Variants in CAPN14 observed in about 807,000 individuals in gnomAD.
CAPN14 encodes calpain 14.
Under a neutral mutation model 101.3 loss-of-function variants are expected in CAPN14, and 94 were observed. The observed-to-expected ratio is 0.93, with a 90% confidence interval of 0.79 to 1.10. The LOEUF (loss-of-function observed/expected upper bound fraction) is 1.10. Ranked by LOEUF, CAPN14 falls within the 50% of genes least tolerant of loss-of-function variation. CAPN14 has a pLI of 0.00. For synonymous variants in CAPN14, 338 were observed against 317.9 expected (o/e 1.06, Z -0.67); for missense variants, 837 against 828.4 (o/e 1.01, Z -0.13).
chr2:31,193,388 C>T (rs1219329978), intron 9 of CAPN14, 94 bp from the exon 10 acceptor site: 1 of 1,245,772 alleles, frequency 8.0e-7, no homozygotes, highest in Admixed American at 2.2e-5. Flanking sequence ...CAGTGGGCAT[C>T]CCAGCCCTCT....
chr2:31,185,615 C>G (rs549374989), intron 16 of CAPN14, among the ~76,000 whole-genome samples: 16 of 152,202 alleles, frequency 1.1e-4, no homozygotes, highest in Non-Finnish European at 2.2e-4. Flanking sequence ...GTCTTACGTT[C>G]TACAATTCCT....
intron 16 of CAPN14, among the ~76,000 whole-genome samples, chr2:31,184,578 T>C (rs571575460): frequency 6.6e-6 from 1 of 152,292 alleles, no homozygotes; most frequent in South Asian, 2.1e-4. Flanking sequence ...ATTTCCCAAA[T>C]TATGTCTCAA....
intron 6 of CAPN14, 134 bp from the exon 7 acceptor site, chr2:31,199,666 C>A (rs1681651124): frequency 7.4e-6 from 5 of 674,012 alleles, no homozygotes; most frequent in Admixed American, 3.0e-5. Flanking sequence ...TGGTACATTG[C>A]AGTTTTCAAA....
chr2:31,233,048 T>C (rs1249081937), intron 1 of CAPN14, among the ~76,000 whole-genome samples: 1 of 152,244 alleles, frequency 6.6e-6, no homozygotes. Flanking sequence ...TGCCTACACC[T>C]GGACAGTGTT....
intron 12 of CAPN14, among the ~76,000 whole-genome samples, chr2:31,190,040 C>G (rs1023968108): frequency 6.6e-6 from 1 of 152,134 alleles, no homozygotes; most frequent in African/African-American, 2.4e-5. Context: ...GGAAAACACC[C>G]TTGTAAAGGA....
intron 16 of CAPN14, 73 bp from the exon 17 acceptor site, chr2:31,181,073 G>A (rs1389069818): frequency 2.3e-6 from 3 of 1,289,080 alleles, no homozygotes; most frequent in East Asian, 5.1e-5. Flanking sequence ...GCAGGAAGAG[G>A]CAGTGCTGCA....
rs1482452129 is a variant in CAPN14, at chr2:31,229,457, C to T, written c.-176-2806G>A. Reference sequence around the variant, plus strand: ...AATAAGAAATGAACAGCCAAGTATTCACTATCAAATTTGAGGAATAATAGC... The same window carrying T: ...AATAAGAAATGAACAGCCAAGTATTTACTATCAAATTTGAGGAATAATAGC... On this transcript the variant is annotated intron_variant and NMD_transcript_variant, in intron 1 of 21. Coordinates refer to the CAPN14 transcript ENST00000398824. 2.0e-5 allele frequency among the ~76,000 whole-genome samples: 3 copies of T among 151,916 alleles called. No individual in the cohort carries two copies. The East Asian group carries it at 5.8e-4, about 29-fold the overall frequency.
In CAPN14 at chr2:31,191,935, C is replaced by T. The variant is rs538574900; in HGVS notation, c.1278G>A (p.Arg426=). The part of the protein sequence containing the change: ...PLLAIGFYLY[R]MNKYHDDQRR... ...CCCTGTGGTTCAGAGGTCCACCTAC[C>T]CTATACAGGTAGAAGCCAATGGCGA... Residue 426 remains arginine, a splice_region_variant and synonymous_variant, in exon 11 of 22, where the codon AGG becomes AGA. Coordinates refer to ENST00000403897, the MANE Select transcript of CAPN14 (RefSeq NM_001145122.2). The T allele has an allele frequency of 2.6e-6, 4 of 1,548,468 alleles. No homozygotes were observed. In the East Asian group the frequency reaches 9.8e-5, roughly 38 times the overall value.
At chr2:31,191,337 G>C in intron 12 of CAPN14, 62 bp downstream of exon 12, 1 of 1,482,306 alleles carries the variant, frequency 6.7e-7, no homozygotes. Context: ...AAATCCTGTG[G>C]AGGCTTGGCC....
At chr2:31,212,326 A>C (rs1480733482) in intron 1 of CAPN14, among the ~76,000 whole-genome samples, 4 of 150,946 alleles carry the variant, frequency 2.6e-5, no homozygotes, top group African/African-American at 4.9e-5. Context: ...AAAAAAAAAA[A>C]ACAAAAAAAA....
chr2:31,188,291 C>T, intron 14 of CAPN14, 27 bp downstream of exon 14: 1 of 1,548,790 alleles, frequency 6.5e-7, no homozygotes, highest in Non-Finnish European at 8.7e-7. Flanking sequence ...CAGTCCCAGC[C>T]ATATGGAATT....
At chr2:31,188,233 C>T (rs769604209) in intron 14 of CAPN14, 85 bp downstream of exon 14, 1 of 1,205,414 alleles carries the variant, frequency 8.3e-7, no homozygotes, top group African/African-American at 1.5e-5. Flanking sequence ...ATCTCCTCCC[C>T]TGACTCCTTA....
chr2:31,180,967 T>A lies in CAPN14; in HGVS notation c.1679A>T (p.Glu560Val). 2 of 1,551,858 alleles carry A rather than the reference T, an allele frequency of 1.3e-6. No homozygotes were observed. Among genetic ancestry groups the A allele is most frequent in the South Asian group, 1.2e-5 (1 of 84,054 alleles). The change falls in exon 17 of 22, where the codon GAA (glutamate) becomes GTA (valine). Residue 560 changes from glutamate to valine, a missense_variant. Physicochemically the swap from Glu to Val is moderately radical, Grantham distance 121. Transcript: ENST00000403897. ...LGSRQPFFSL[E>V]ACQGILALLD... ...TAAGGCCAGGATCCCCTGGCAGGCTTCCAGGCTAAAGAAGGGCTGTCTGCT... is the reference window on the plus strand; with the variant it reads ...TAAGGCCAGGATCCCCTGGCAGGCTACCAGGCTAAAGAAGGGCTGTCTGCT...
At chr2:31,180,484 T>C (rs1009294261) in intron 17 of CAPN14, among the ~76,000 whole-genome samples, 4 of 152,178 alleles carry the variant, frequency 2.6e-5, no homozygotes, top group African/African-American at 9.7e-5. Context: ...GTTGTTTAAC[T>C]TCCCTGAGCA....
At chr2:31,195,043 C>T (rs971271186) in intron 8 of CAPN14, among the ~76,000 whole-genome samples, 1 of 152,128 alleles carries the variant, frequency 6.6e-6, no homozygotes, top group African/African-American at 2.4e-5. Flanking sequence ...CTGGCCAGCG[C>T]TACAGGGAGA....
At position 31,173,379 on chromosome 2, in the gene CAPN14, A is replaced by G. The variant is rs1476638215; in HGVS notation, c.*1302T>C. 1 of 152,214 alleles carries G rather than the reference A, an allele frequency of 6.6e-6. No homozygotes were observed. The highest frequency in any genetic ancestry group is 1.5e-5 in the Non-Finnish European group (1 of 68,044). 9.4% of individuals were successfully genotyped at this position (152,214 alleles called of 1,614,324 possible). ...TCAAATCTCCTTTAGTCCTCTGCCA[A>G]TGGACACACTTTTATCTCTTCATTC... On this transcript the variant is annotated 3_prime_UTR_variant, in exon 22 of 22. Coordinates refer to ENST00000403897, the MANE Select transcript of CAPN14 (RefSeq NM_001145122.2).
chr2:31,205,289 C>T lies in CAPN14; in HGVS notation c.159G>A (p.Leu53=), dbSNP rs1223137902. 5 of 1,550,368 alleles carry T rather than the reference C, an allele frequency of 3.2e-6. No homozygotes were observed. The East Asian group carries it at 1.2e-4, about 38-fold the overall frequency. ...GCAGGGAGCCACTGCCGATGGAGCTCAGGGTGGCCGGGAAGCTGGTGTCTT... is the reference window on the plus strand; with the variant it reads ...GCAGGGAGCCACTGCCGATGGAGCTTAGGGTGGCCGGGAAGCTGGTGTCTT... ...LFEDTSFPAT[L]SSIGSGSLLQ... Residue 53 remains leucine, a synonymous_variant, in exon 2 of 22, where the codon CTG becomes CTA. Coordinates refer to ENST00000403897, the MANE Select transcript of CAPN14 (RefSeq NM_001145122.2).
At chr2:31,182,395 G>T (rs1237015047) in intron 16 of CAPN14, among the ~76,000 whole-genome samples, 1 of 146,386 alleles carries the variant, frequency 6.8e-6, no homozygotes, top group African/African-American at 2.7e-5. Flanking sequence ...AAGTCAAATT[G>T]TCCCTGTTTG....
At chr2:31,233,483 G>T (rs1271241605) in intron 1 of CAPN14, among the ~76,000 whole-genome samples, 1 of 152,152 alleles carries the variant, frequency 6.6e-6, no homozygotes, top group East Asian at 1.9e-4. Context: ...CTCTGCTCAT[G>T]CCTCCTCTTT....
Sources: allele counts gnomAD v4.1 joint callset (sites outside exome capture counted in the v4.1 genomes callset), GRCh38; gene constraint gnomAD v4.1.1; transcripts MANE v1.5; gene names NCBI Gene and HGNC (gene_info 2026-07-23, HGNC 2026-07-21).